NDRG3: variants seen among roughly 807,000 people sequenced by gnomAD.
NDRG3 encodes protein NDRG3.
In NDRG3, 23 loss-of-function variants were observed where a neutral mutation model predicts 57.2. The ratio of observed to expected loss-of-function variants is 0.40; its 90% confidence interval spans 0.29 to 0.57. NDRG3 has a LOEUF of 0.57. Ranked by LOEUF, NDRG3 falls within the 20% of genes least tolerant of loss-of-function variation. The pLI, the probability that NDRG3 is intolerant of heterozygous loss-of-function variation, is 0.42. For synonymous variants in NDRG3, 132 were observed against 162.6 expected (o/e 0.81, Z 1.43); for missense variants, 384 against 457.3 (o/e 0.84, Z 1.46).
intron 3 of NDRG3, among the ~76,000 whole-genome samples, chr20:36,706,669 A>C (rs1983566315): frequency 1.3e-5 from 2 of 151,968 alleles, no homozygotes; most frequent in Non-Finnish European, 2.9e-5. Flanking sequence ...ACGCTTGGCT[A>C]ATTTTTGTAT....
chr20:36,702,822 G>A (rs554964458), intron 3 of NDRG3, among the ~76,000 whole-genome samples: 44 of 152,138 alleles, frequency 2.9e-4, no homozygotes, highest in Middle Eastern at 6.8e-3. Flanking sequence ...TCAAGTAGCC[G>A]GGATTACAGG....
intron 3 of NDRG3, among the ~76,000 whole-genome samples, chr20:36,693,151 C>A: frequency 1.1e-5 from 1 of 94,910 alleles, no homozygotes; most frequent in Non-Finnish European, 1.9e-5. Flanking sequence ...TACACACACA[C>A]ACATATACAC....
intron 8 of NDRG3, among the ~76,000 whole-genome samples, chr20:36,675,327 G>A (rs369855156): frequency 2.8e-5 from 4 of 143,214 alleles, no homozygotes; most frequent in East Asian, 2.2e-4. Flanking sequence ...CCCAAAGTGC[G>A]GAGATTACAG....
chr20:36,666,927 G>A (rs568303384), intron 9 of NDRG3, among the ~76,000 whole-genome samples: 34 of 152,140 alleles, frequency 2.2e-4, no homozygotes, highest in Non-Finnish European at 3.8e-4. Flanking sequence ...TCCACCTCCC[G>A]GGTTCAAGCA....
intron 1 of NDRG3, among the ~76,000 whole-genome samples, chr20:36,743,727 A>C (rs1046147680): frequency 1.6e-4 from 24 of 148,634 alleles, no homozygotes; most frequent in African/African-American, 5.4e-4. Flanking sequence ...CTGAGGCAGG[A>C]GAATGGCGTG....
rs1372745507 is a variant in NDRG3, at chr20:36,665,396, T to G, written c.693-95A>C. ...ATAAACACCAAAATTTATCAAGGAA[T>G]GCGAAACTATCTTTCCTTCACACCT... On this transcript the variant is annotated intron_variant, in intron 10 of 15. Transcript: ENST00000349004. 12 of 1,100,938 alleles carry G rather than the reference T, an allele frequency of 1.1e-5. No individual in the cohort carries two copies. In the East Asian group the frequency reaches 2.8e-4, roughly 26 times the overall value. 68.2% of individuals were successfully genotyped at this position (1,100,938 alleles called of 1,614,324 possible). A position where few individuals can be genotyped will look rare whatever the true frequency, so the allele number is the denominator to read the frequency against.
At position 36,653,767 on chromosome 20, in the gene NDRG3, T is replaced by C; in HGVS notation, c.947-66A>G. The C allele has an allele frequency of 1.4e-6, 2 of 1,448,232 alleles. No individual in the cohort carries two copies. Among genetic ancestry groups the C allele is most frequent in the Non-Finnish European group, 1.9e-6 (2 of 1,058,112 alleles). The allele number at this position is 1,448,232 out of a possible 1,614,324, so 89.7% of individuals were successfully genotyped here. A position where few individuals can be genotyped will look rare whatever the true frequency, so the allele number is the denominator to read the frequency against. On this transcript the variant is annotated intron_variant, in intron 15 of 15. Coordinates refer to ENST00000349004, the MANE Select transcript of NDRG3 (RefSeq NM_032013.4). The surrounding 1 kb of genome is among the most constrained non-coding windows in gnomAD (Gnocchi z 4.2). ...GTTAAGCCCAGCTAACCTAGGAGTC[T>C]CATCAAAGTCTTTATGTTTAGCTTT...
chr20:36,720,479 T>C (rs751489246), intron 2 of NDRG3, among the ~76,000 whole-genome samples: 8 of 152,082 alleles, frequency 5.3e-5, no homozygotes, highest in Non-Finnish European at 7.4e-5. Context: ...GGCCAAAACC[T>C]TTCTTTTGGT....
chr20:36,702,425 CGCGCCCG>C (rs1568654688), intron 3 of NDRG3, among the ~76,000 whole-genome samples: 1 of 152,134 alleles, frequency 6.6e-6, no homozygotes, highest in East Asian at 1.9e-4. Flanking sequence ...CGTGAGCGAC[CGCGCCCG>C]GCCCCAATAT....
chr20:36,678,913 T>C lies in NDRG3; in HGVS notation c.531+1903A>G, dbSNP rs1263656099. Among the ~76,000 whole-genome samples, 70 of 152,220 alleles carry C rather than the reference T, an allele frequency of 4.6e-4. 1 individual carries two copies. Among genetic ancestry groups the C allele is most frequent in the Non-Finnish European group, 7.3e-5 (5 of 68,044 alleles). On this transcript the variant is annotated intron_variant, in intron 8 of 15. Coordinates refer to ENST00000349004, the MANE Select transcript of NDRG3 (RefSeq NM_032013.4). ...CTTTCACGCACTGCTGTTGTGTAAATGGTTAAATACTTTGAAGACATTTTC... is the reference window on the plus strand; with the variant it reads ...CTTTCACGCACTGCTGTTGTGTAAACGGTTAAATACTTTGAAGACATTTTC...
chr20:36,709,659 T>C (rs1983753320), intron 2 of NDRG3, among the ~76,000 whole-genome samples: 1 of 152,148 alleles, frequency 6.6e-6, no homozygotes, highest in Admixed American at 6.6e-5. Context: ...AGAGAAATCA[T>C]TGTGTTTAAT....
chr20:36,718,079 C>G (rs1392142209), intron 2 of NDRG3, among the ~76,000 whole-genome samples: 20 of 152,238 alleles, frequency 1.3e-4, no homozygotes, highest in Non-Finnish European at 2.9e-4. Context: ...ATACATTTAT[C>G]TGTGCTCCTT....
At chr20:36,737,600 G>A (rs191877894) in intron 1 of NDRG3, among the ~76,000 whole-genome samples, 1 of 152,076 alleles carries the variant, frequency 6.6e-6, no homozygotes, top group Admixed American at 6.6e-5. Context: ...AAGCTCGGAC[G>A]GGGTATTGTA....
chr20:36,727,682 CAG>C (rs954732058), intron 1 of NDRG3, among the ~76,000 whole-genome samples: 14 of 151,886 alleles, frequency 9.2e-5, no homozygotes, highest in Non-Finnish European at 1.6e-4. Context: ...GCTGGGACTA[CAG>C]GCGCCCGCCA....
chr20:36,691,040 A>T (rs1982227142), intron 3 of NDRG3, among the ~76,000 whole-genome samples: 1 of 152,256 alleles, frequency 6.6e-6, no homozygotes, highest in Non-Finnish European at 1.5e-5. Context: ...TATCCTAGCG[A>T]ATTTCTGTTG....
intron 2 of NDRG3, among the ~76,000 whole-genome samples, chr20:36,713,216 G>A (rs907803477): frequency 6.6e-6 from 1 of 152,050 alleles, no homozygotes; most frequent in African/African-American, 2.4e-5. Context: ...ATTTGAAGAG[G>A]AAAAAAATCA....
intron 9 of NDRG3, among the ~76,000 whole-genome samples, chr20:36,667,780 G>GA (rs1399680555): frequency 1.3e-5 from 2 of 152,086 alleles, no homozygotes; most frequent in African/African-American, 4.8e-5. Context: ...TAGAGACATG[G>GA]AAAAAATTTC....
At chr20:36,663,449 G>A (rs1979371808) in intron 12 of NDRG3, among the ~76,000 whole-genome samples, 1 of 152,150 alleles carries the variant, frequency 6.6e-6, no homozygotes, top group Non-Finnish European at 1.5e-5. Context: ...GAGATATTTA[G>A]TTAAGTTATA....
At chr20:36,654,465 C>T (rs925913570) in intron 15 of NDRG3, among the ~76,000 whole-genome samples, 3 of 152,188 alleles carry the variant, frequency 2.0e-5, no homozygotes, top group Non-Finnish European at 4.4e-5. Context: ...GGCTCTGACC[C>T]TCCTATTTAG....
Sources: gnomAD v4.1 joint callset for allele counts (sites outside exome capture counted in the v4.1 genomes callset) on GRCh38, gnomAD v4.1.1 for gene constraint, Gnocchi (gnomAD v3.1) non-coding constraint, MANE v1.5 for transcripts, NCBI Gene and HGNC (gene_info 2026-07-23, HGNC 2026-07-21) for gene names.